The following GPATCH1 variants were observed in gnomAD, a reference collection of about 807,000 sequenced individuals.
GPATCH1 encodes the protein G patch domain-containing protein 1.
GPATCH1 carries 73 observed loss-of-function variants against 114.9 expected under a neutral mutation model. The ratio of observed to expected loss-of-function variants is 0.64; its 90% CI spans 0.53 to 0.77. The LOEUF is 0.77. Among genes scored for constraint, GPATCH1 ranks in the 30% least tolerant of loss-of-function variants. The pLI is 0.00. For missense variants in GPATCH1, 1,058 were observed against 1,144.3 expected (o/e 0.92, Z 1.09); for synonymous variants, 391 against 428.4 (o/e 0.91, Z 1.08).
At chr19:33,081,618 A>G (rs563350193) in intron 1 of GPATCH1, among the ~76,000 whole-genome samples, 13 of 152,202 alleles carry the variant, frequency 8.5e-5, no homozygotes, top group African/African-American at 2.6e-4. Flanking sequence ...ACCATGAGCA[A>G]ATCTGGAGGG....
intron 17 of GPATCH1, among the ~76,000 whole-genome samples, chr19:33,122,449 C>A (rs138808714): frequency 4.7e-4 from 71 of 152,056 alleles, no homozygotes; most frequent in African/African-American, 1.6e-3. Context: ...CTCAGCCTCC[C>A]AACTAGCTGG....
At chr19:33,119,337 T>C (rs1230322397) in intron 17 of GPATCH1, among the ~76,000 whole-genome samples, 1 of 152,184 alleles carries the variant, frequency 6.6e-6, no homozygotes, top group African/African-American at 2.4e-5. Flanking sequence ...ACCTGCCACA[T>C]GTTTACAGGA....
intron 3 of GPATCH1, 131 bp downstream of exon 3, chr19:33,090,996 GTA>G (rs1346042059): frequency 3.1e-6 from 2 of 645,278 alleles, no homozygotes; most frequent in Non-Finnish European, 5.6e-6. Flanking sequence ...TATCTTTTAG[GTA>G]TTTGATGTGC....
intron 9 of GPATCH1, among the ~76,000 whole-genome samples, chr19:33,104,804 G>A (rs764686087): frequency 6.6e-6 from 1 of 152,114 alleles, no homozygotes; most frequent in Admixed American, 6.6e-5. Flanking sequence ...TAAAAATCTA[G>A]AGAATATTTC....
At position 33,118,176 on chromosome 19, in the gene GPATCH1, A is replaced by C. The variant is rs201100125; in HGVS notation, c.2413+135A>C. 1.6e-3 allele frequency: 439 copies of C among 277,642 alleles called. 1 individual carries two copies. The highest frequency in any genetic ancestry group is 0.011 in the African/African-American group (403 of 36,992). The allele number at this position is 277,642 out of a possible 1,614,324, so 17.2% of individuals were successfully genotyped here. A position where few individuals can be genotyped will look rare whatever the true frequency, so the allele number is the denominator to read the frequency against. On this transcript the variant is annotated intron_variant, in intron 16 of 19. Coordinates refer to ENST00000170564, the MANE Select transcript of GPATCH1 (RefSeq NM_018025.3). ...ATATGTAATCTTTTATATGTATATA[A>C]TTTTTTTTTTTTTTTTTTTGGAAAC... is the stretch of plus-strand genomic sequence containing the variant.
At chr19:33,112,719 A>T in intron 13 of GPATCH1, 106 bp downstream of exon 13, 2 of 772,132 alleles carry the variant, frequency 2.6e-6, no homozygotes, top group Non-Finnish European at 4.1e-6. Flanking sequence ...ACATGAACTT[A>T]TTTGCATATC....
chr19:33,103,307 G>T (rs529733671), intron 9 of GPATCH1, among the ~76,000 whole-genome samples: 7 of 152,204 alleles, frequency 4.6e-5, no homozygotes, highest in Non-Finnish European at 7.3e-5. Context: ...ATAGCCAGCA[G>T]AATATATCTA....
intron 10 of GPATCH1, among the ~76,000 whole-genome samples, chr19:33,107,248 G>A (rs1015897166): frequency 6.6e-6 from 1 of 151,980 alleles, no homozygotes; most frequent in African/African-American, 2.4e-5. Flanking sequence ...ACCACACCTG[G>A]CACATTTTTT....
At position 33,102,877 on chromosome 19, in the gene GPATCH1, GCAAGGTTCCCTGGCCTC is replaced by G. The variant is rs548483107; in HGVS notation, c.1080+1305_1080+1321del. 2.0e-5 allele frequency among the ~76,000 whole-genome samples: 3 copies of G among 152,350 alleles called. No homozygotes were observed. In the East Asian group the frequency reaches 5.8e-4, roughly 29 times the overall value. On this transcript the variant is annotated intron_variant, in intron 9 of 19. Coordinates refer to ENST00000170564, the MANE Select transcript of GPATCH1 (RefSeq NM_018025.3). ...TCCCCATGCTCTGAAGCTAGCAGGG[GCAAGGTTCCCTGGCCTC>G]CTCAGCTGGGGCCGAGCAGAAGGGA...
chr19:33,107,743 C>A (rs919724715), intron 10 of GPATCH1, among the ~76,000 whole-genome samples: 1 of 152,128 alleles, frequency 6.6e-6, no homozygotes, highest in Non-Finnish European at 1.5e-5. Flanking sequence ...TCACACACTG[C>A]GCTTCCTCAT....
intron 15 of GPATCH1, among the ~76,000 whole-genome samples, chr19:33,117,289 TAGC>T (rs1432203535): frequency 9.9e-5 from 15 of 152,188 alleles, no homozygotes; most frequent in Non-Finnish European, 2.2e-4. Flanking sequence ...CTTTGGATTT[TAGC>T]GGTTTGATTA....
In GPATCH1 at chr19:33,130,121, C is replaced by A; in HGVS notation, c.2766-9C>A. 1 of 1,609,582 alleles carries A rather than the reference C, an allele frequency of 6.2e-7. No individual in the cohort carries two copies. Among genetic ancestry groups the A allele is most frequent in the Non-Finnish European group, 8.5e-7 (1 of 1,176,144 alleles). ...TTTCCATTTCTCTCTTTTCTGTTTT[C>A]TTTTCCAGGCTGAAAAGTCTTCCAC... On this transcript the variant is annotated splice_polypyrimidine_tract_variant and intron_variant, in intron 19 of 19. Transcript: ENST00000170564.
chr19:33,111,469 C>T (rs1972852951), intron 11 of GPATCH1, among the ~76,000 whole-genome samples: 1 of 151,866 alleles, frequency 6.6e-6, no homozygotes, highest in Non-Finnish European at 1.5e-5. Context: ...AAGTGACCCA[C>T]CCGCCTCGGC....
In GPATCH1 at chr19:33,130,155, C is replaced by T. The variant is rs1180965443; in HGVS notation, c.2791C>T (p.Gln931Ter). 1.2e-6 allele frequency: 2 copies of T among 1,607,754 alleles called. No individual in the cohort carries two copies. Among genetic ancestry groups the T allele is most frequent in the South Asian group, 1.1e-5 (1 of 90,942 alleles). ...GCTGAAAAGTCTTCCACTAAGAAGG[C>T]AGTAATTGAATGCTGCCCTGGCTCG... Reference protein sequence around the residue: ...RRLKSLPLRRQ With the variant: ...RRLKSLPLRR Residue 931 changes from glutamine to a stop codon, truncating the protein, a stop_gained, in exon 20 of 20, where the codon CAG becomes TAG. Coordinates refer to ENST00000170564, the MANE Select transcript of GPATCH1 (RefSeq NM_018025.3). LOFTEE classifies it high-confidence loss of function.
At chr19:33,103,416 T>C (rs1972748643) in intron 9 of GPATCH1, among the ~76,000 whole-genome samples, 1 of 152,054 alleles carries the variant, frequency 6.6e-6, no homozygotes, top group Admixed American at 6.6e-5. Flanking sequence ...AAAGGAAGCA[T>C]AAGGCCGGGC....
intron 10 of GPATCH1, among the ~76,000 whole-genome samples, chr19:33,109,278 A>C (rs956563239): frequency 6.6e-5 from 10 of 152,164 alleles, no homozygotes; most frequent in African/African-American, 2.4e-4. Context: ...GCACTTTGGG[A>C]GGCCGAGGCG....
At chr19:33,091,413 C>CAA (rs1184888892) in intron 3 of GPATCH1, among the ~76,000 whole-genome samples, 116 of 44,726 alleles carry the variant, frequency 2.6e-3, no homozygotes, top group Admixed American at 4.5e-3. Context: ...GACTCCGTCT[C>CAA]AAAAAAAAAA....
chr19:33,117,846 G>A lies in GPATCH1; in HGVS notation c.2218G>A (p.Ala740Thr), dbSNP rs1464997859. 2.5e-6 allele frequency: 4 copies of A among 1,613,010 alleles called. No individual in the cohort carries two copies. The African/African-American group carries it at 4.0e-5, about 16-fold the overall frequency. The change falls in exon 16 of 20, where the codon GCA becomes ACA. Residue 740 changes from alanine (A) to threonine (T), a missense_variant. Physicochemically the swap from Ala to Thr is moderately conservative, Grantham distance 58. This residue lies in a region of GPATCH1 where 893 missense variants were observed against 977.4 expected (regional missense o/e 0.91). Transcript: ENST00000170564. Reference protein sequence around the residue: ...ANQTVNKDVDAQAEGEGSRPS... With the variant: ...ANQTVNKDVDTQAEGEGSRPS... ...ACAGACCGTCAACAAAGATGTGGAC[G>A]CACAGGCTGAAGGAGAAGGGAGCCG...
intron 4 of GPATCH1, 124 bp from the exon 5 acceptor site, chr19:33,094,048 G>A (rs1319515827): frequency 1.6e-6 from 1 of 643,034 alleles, no homozygotes; most frequent in African/African-American, 1.8e-5. Context: ...GATGTAATGT[G>A]GGTGAGGGCA....
Sources: gnomAD v4.1 joint callset for allele counts (sites outside exome capture counted in the v4.1 genomes callset) on GRCh38, gnomAD v4.1.1 for gene constraint, gnomAD v4.1.1 regional missense constraint, MANE v1.5 for transcripts, NCBI Gene and HGNC (gene_info 2026-07-23, HGNC 2026-07-21) for gene names.